The following NEDD4L variants were observed in gnomAD, a reference collection of about 807,000 sequenced individuals.
The protein encoded by NEDD4L is E3 ubiquitin-protein ligase NEDD4-like.
A neutral mutation model predicts 148.9 loss-of-function variants in NEDD4L; 54 were observed. That is an observed-to-expected ratio of 0.36 (90% CI 0.29 to 0.45). NEDD4L has a LOEUF of 0.45. Among genes scored for constraint, NEDD4L ranks in the 20% least tolerant of loss-of-function variants. NEDD4L has a pLI of 1.00. For missense variants in NEDD4L, 856 were observed against 1,233.8 expected, an observed-to-expected ratio of 0.69 and a Z score of 4.59; for synonymous variants, 433 against 440.7, an observed-to-expected ratio of 0.98 and a Z score of 0.22.
chr18:58,237,737 T>C (rs1419934746), intron 2 of NEDD4L, among the ~76,000 whole-genome samples: 2 of 152,252 alleles, frequency 1.3e-5, no homozygotes, highest in African/African-American at 4.8e-5. Context: ...TGTAGATGCC[T>C]ATATAAATAG....
chr18:58,090,510 A>G lies in NEDD4L; in HGVS notation c.48+45802A>G, dbSNP rs72942939. Among the ~76,000 whole-genome samples the G allele has an allele frequency of 4.8e-3, 736 of 152,036 alleles. 4 individuals are homozygous for G. Among genetic ancestry groups the G allele is most frequent in the Middle Eastern group, 0.017 (5 of 294 alleles). On this transcript the variant is annotated intron_variant, in intron 1 of 30. Transcript: ENST00000400345. ...CATGATTTGTTTTTAACGGAGTTTC[A>G]CTCTGTTGCCCAGGCTGGAATGCAG...
intron 5 of NEDD4L, among the ~76,000 whole-genome samples, chr18:58,301,146 A>T (rs2056408443): frequency 6.6e-6 from 1 of 152,152 alleles, no homozygotes. Context: ...ACTATGGAAG[A>T]GCTCAAATGA....
At chr18:58,369,582 A>G (rs533035563) in intron 22 of NEDD4L, among the ~76,000 whole-genome samples, 1 of 152,306 alleles carries the variant, frequency 6.6e-6, no homozygotes, top group Admixed American at 6.5e-5. Flanking sequence ...TGGAGCCTGC[A>G]TAGGGCCACG....
chr18:58,162,948 C>G (rs373447149), intron 1 of NEDD4L, among the ~76,000 whole-genome samples: 10 of 152,014 alleles, frequency 6.6e-5, no homozygotes, highest in Admixed American at 4.6e-4. Flanking sequence ...CCTGTAATCT[C>G]AGCTACTTGG....
intron 11 of NEDD4L, among the ~76,000 whole-genome samples, chr18:58,331,235 C>T (rs1378960093): frequency 1.3e-5 from 2 of 152,184 alleles, no homozygotes; most frequent in Non-Finnish European, 2.9e-5. Context: ...ATTCCTTTCC[C>T]AGCCAAAAGG....
intron 2 of NEDD4L, chr18:58,195,799 T>C (rs1599588314): frequency 9.7e-7 from 1 of 1,032,830 alleles, no homozygotes; most frequent in Admixed American, 1.9e-5. Flanking sequence ...CAGGAGAAGG[T>C]TCTCTTACCG....
At chr18:58,292,056 G>T (rs1020067680) in intron 5 of NEDD4L, among the ~76,000 whole-genome samples, 1 of 152,194 alleles carries the variant, frequency 6.6e-6, no homozygotes, top group African/African-American at 2.4e-5. Flanking sequence ...AGCTCTGGGG[G>T]TCTGTGAGAG....
intron 5 of NEDD4L, among the ~76,000 whole-genome samples, chr18:58,267,556 T>A (rs7234847): frequency 4.0e-5 from 6 of 151,726 alleles, no homozygotes; most frequent in African/African-American, 1.5e-4. Flanking sequence ...TCCACACCCT[T>A]TGATTTCTCC....
intron 21 of NEDD4L, 109 bp from the exon 22 acceptor site, chr18:58,367,637 A>C: frequency 2.5e-6 from 3 of 1,198,402 alleles, no homozygotes; most frequent in Non-Finnish European, 2.4e-6. Flanking sequence ...CACTAGGTAC[A>C]GAATGCTCGC....
chr18:58,367,891 A>G (rs1348445801), intron 22 of NEDD4L, 24 bp downstream of exon 22: 1 of 1,613,322 alleles, frequency 6.2e-7, no homozygotes, highest in African/African-American at 1.3e-5. Flanking sequence ...TAATAAAAAT[A>G]GGTCAGTGCT....
intron 2 of NEDD4L, among the ~76,000 whole-genome samples, chr18:58,167,243 C>T (rs887828439): frequency 3.9e-5 from 6 of 152,266 alleles, no homozygotes; most frequent in South Asian, 2.1e-4. Context: ...CTTGCTTGAC[C>T]GTGAAGTCAC....
Position 58,167,921 on chromosome 18 carries a change from T to TA in NEDD4L, c.122+2071dup, listed in dbSNP as rs112715260. The stretch of plus-strand genomic sequence containing the variant: ...TTTTGTTTTATCCAAACCCTCCCAT[T>TA]AAAAAAAAAAATTGATTCACATTGT... On this transcript the variant is annotated intron_variant, in intron 2 of 30. Coordinates refer to ENST00000400345, the MANE Select transcript of NEDD4L (RefSeq NM_001144967.3). 2.0e-3 allele frequency among the ~76,000 whole-genome samples: 295 copies of TA among 147,244 alleles called. 2 individuals are homozygous for TA. The highest frequency in any genetic ancestry group is 3.4e-3 in the African/African-American group (138 of 40,494).
chr18:58,354,185 G>A (rs2044289235), intron 18 of NEDD4L, among the ~76,000 whole-genome samples: 1 of 152,198 alleles, frequency 6.6e-6, no homozygotes, highest in Non-Finnish European at 1.5e-5. Context: ...CATCTTGTAG[G>A]AATGATGTCA....
intron 1 of NEDD4L, among the ~76,000 whole-genome samples, chr18:58,052,469 C>T (rs1271808202): frequency 1.3e-5 from 2 of 152,138 alleles, no homozygotes; most frequent in African/African-American, 4.8e-5. Flanking sequence ...TCCCTGACTT[C>T]AGTCCTGCAT....
chr18:58,111,036 A>G (rs1049437382), intron 1 of NEDD4L, among the ~76,000 whole-genome samples: 1 of 152,216 alleles, frequency 6.6e-6, no homozygotes, highest in Non-Finnish European at 1.5e-5. Context: ...ATTATATTCA[A>G]CGTTGTGCAA....
At chr18:58,198,384 A>G (rs541129282) in intron 2 of NEDD4L, among the ~76,000 whole-genome samples, 4 of 152,200 alleles carry the variant, frequency 2.6e-5, no homozygotes, top group Non-Finnish European at 5.9e-5. Context: ...AGCTGGGGAC[A>G]TCAGCCTAAA....
At chr18:58,291,215 G>A (rs1600773375) in intron 5 of NEDD4L, among the ~76,000 whole-genome samples, 1 of 152,070 alleles carries the variant, frequency 6.6e-6, no homozygotes, top group Non-Finnish European at 1.5e-5. Context: ...GAACCAGGCC[G>A]ACCGACCCAC....
intron 1 of NEDD4L, among the ~76,000 whole-genome samples, chr18:58,112,058 C>T (rs2085455353): frequency 6.6e-6 from 1 of 152,178 alleles, no homozygotes; most frequent in African/African-American, 2.4e-5. Context: ...CATACCGTCC[C>T]CAACTTGCAA....
intron 1 of NEDD4L, among the ~76,000 whole-genome samples, chr18:58,160,916 C>G (rs994072255): frequency 6.6e-6 from 1 of 152,180 alleles, no homozygotes; most frequent in African/African-American, 2.4e-5. Context: ...CCAGCTGTTG[C>G]CTACATGTTA....
Sources: gnomAD v4.1 joint callset for allele counts (sites outside exome capture counted in the v4.1 genomes callset) on GRCh38, gnomAD v4.1.1 for gene constraint, MANE v1.5 for transcripts, NCBI Gene and HGNC (gene_info 2026-07-23, HGNC 2026-07-21) for gene names.